The following ITGA9 variants were observed in gnomAD, a reference collection of about 807,000 sequenced individuals.
ITGA9 encodes the protein integrin subunit alpha 9, also known as integrin alpha-9.
ITGA9 carries 56 observed loss-of-function variants against 127.8 expected under a neutral mutation model. That is an observed-to-expected ratio of 0.44 (90% confidence interval 0.35 to 0.55). The LOEUF (loss-of-function observed/expected upper bound fraction) is 0.55, where lower values mean the gene tolerates loss of function less well. Ranked by LOEUF, ITGA9 falls within the 20% of genes least tolerant of loss-of-function variation. The probability of loss-of-function intolerance (pLI) is 0.00; values close to 1 mark genes in which losing one functional copy is unlikely to be tolerated. For synonymous variants in ITGA9, 508 were observed against 514.5 expected, an observed-to-expected ratio of 0.99 and a Z score of 0.17; for missense variants, 1,196 against 1,347.1, an observed-to-expected ratio of 0.89 and a Z score of 1.76.
intron 15 of ITGA9, among the ~76,000 whole-genome samples, chr3:37,564,673 T>G (rs1362881414): frequency 1.3e-5 from 2 of 152,210 alleles, no homozygotes; most frequent in Non-Finnish European, 2.9e-5. Context: ...ATCATCAAGA[T>G]GGATATACTT....
chr3:37,816,847 C>T (rs929850029), intron 27 of ITGA9, among the ~76,000 whole-genome samples: 17 of 152,172 alleles, frequency 1.1e-4, no homozygotes, highest in African/African-American at 2.7e-4. Flanking sequence ...AAGACTCTTG[C>T]CAGTTGTTCT....
At chr3:37,771,783 C>A (rs1423969050) in intron 23 of ITGA9, among the ~76,000 whole-genome samples, 1 of 152,148 alleles carries the variant, frequency 6.6e-6, no homozygotes, top group African/African-American at 2.4e-5. Flanking sequence ...GCACTTTTGT[C>A]TCCCATGGTC....
At position 37,623,399 on chromosome 3, in the gene ITGA9, A is replaced by G. The variant is rs139987231; in HGVS notation, c.1690-5788A>G. 2.2e-4 allele frequency among the ~76,000 whole-genome samples: 33 copies of G among 152,328 alleles called. No individual in the cohort carries two copies. The East Asian group carries it at 6.4e-3, about 29-fold the overall frequency. ...TCCAGAAATTCAGCTTAGAAACTCA[A>G]GAACTTAGCTTTTTAGCCACTGCTT... is the stretch of plus-strand genomic sequence containing the variant. On this transcript the variant is annotated intron_variant, in intron 15 of 27. Transcript: ENST00000264741.
intron 18 of ITGA9, among the ~76,000 whole-genome samples, chr3:37,722,315 T>C (rs1334401112): frequency 6.6e-6 from 1 of 152,240 alleles, no homozygotes; most frequent in Non-Finnish European, 1.5e-5. Flanking sequence ...CGTTGAGATA[T>C]AGTTCAGATG....
At chr3:37,489,953 G>A (rs984895376) in intron 4 of ITGA9, among the ~76,000 whole-genome samples, 9 of 152,212 alleles carry the variant, frequency 5.9e-5, no homozygotes, top group Non-Finnish European at 1.3e-4. Context: ...TATTCCTGTT[G>A]CAGGTAGCCC....
At chr3:37,667,408 G>T (rs79728505) in intron 17 of ITGA9, among the ~76,000 whole-genome samples, 3,002 of 152,264 alleles carry the variant, frequency 0.02, 50 homozygotes, top group Non-Finnish European at 0.032. Flanking sequence ...CATGTATAGG[G>T]CTCCAAGTTT....
chr3:37,780,022 G>A lies in ITGA9; in HGVS notation c.2787+1G>A. 6.2e-7 allele frequency: 1 copy of A among 1,613,936 alleles called. No individual in the cohort carries two copies. The highest frequency in any genetic ancestry group is 8.5e-7 in the Non-Finnish European group (1 of 1,179,954). On this transcript the variant is annotated splice_donor_variant, in intron 25 of 27. Coordinates refer to ENST00000264741, the MANE Select transcript of ITGA9 (RefSeq NM_002207.3). LOFTEE classifies it high-confidence loss of function. ...GCTGAACACAGAAATACTGAAAAAG[G>A]TAAGCCCTAATGAACCGCACTTGTG...
chr3:37,548,125 A>G (rs1699345357), intron 15 of ITGA9, among the ~76,000 whole-genome samples: 1 of 152,238 alleles, frequency 6.6e-6, no homozygotes, highest in Admixed American at 6.5e-5. Flanking sequence ...AGCAATAACA[A>G]TATTATGTTA....
intron 15 of ITGA9, among the ~76,000 whole-genome samples, chr3:37,595,820 G>A (rs1334685268): frequency 6.6e-6 from 1 of 152,216 alleles, no homozygotes; most frequent in Non-Finnish European, 1.5e-5. Flanking sequence ...CCAGCCCTCA[G>A]CCTGGACCGC....
intron 7 of ITGA9, among the ~76,000 whole-genome samples, chr3:37,507,567 G>A (rs1252223071): frequency 6.6e-6 from 1 of 152,064 alleles, no homozygotes; most frequent in Non-Finnish European, 1.5e-5. Flanking sequence ...GTTGAGAATG[G>A]TACTTATAAT....
chr3:37,739,825 G>A (rs546542570), intron 20 of ITGA9, among the ~76,000 whole-genome samples: 18 of 152,308 alleles, frequency 1.2e-4, no homozygotes, highest in African/African-American at 3.6e-4. Context: ...GGGTGGGGGC[G>A]GGAGTGGGCC....
intron 26 of ITGA9, among the ~76,000 whole-genome samples, chr3:37,796,518 G>A (rs557512621): frequency 1.4e-3 from 208 of 152,154 alleles, no homozygotes; most frequent in Non-Finnish European, 2.4e-3. Flanking sequence ...TGGATGGAAC[G>A]ACGGACAGAC....
intron 18 of ITGA9, among the ~76,000 whole-genome samples, chr3:37,729,731 G>A (rs748363579): frequency 2.5e-4 from 31 of 122,182 alleles, no homozygotes; most frequent in Non-Finnish European, 4.1e-4. Flanking sequence ...TTGAGACAGA[G>A]TCTTGCTCTG....
chr3:37,772,664 A>G (rs1356570183), intron 23 of ITGA9, among the ~76,000 whole-genome samples: 2 of 152,188 alleles, frequency 1.3e-5, no homozygotes, highest in Non-Finnish European at 2.9e-5. Flanking sequence ...TGACTGCAAT[A>G]GGATTAGCTG....
intron 14 of ITGA9, among the ~76,000 whole-genome samples, chr3:37,537,524 G>C (rs1418889255): frequency 1.3e-5 from 2 of 152,218 alleles, no homozygotes; most frequent in African/African-American, 4.8e-5. Flanking sequence ...GTTACATTGA[G>C]TTGCTGAATC....
In ITGA9 at chr3:37,517,640, C is replaced by A. The variant is rs1161157778; in HGVS notation, c.1141+31C>A. On this transcript the variant is annotated intron_variant, in intron 10 of 27. Transcript: ENST00000264741. ...TGAGTGCTCCTGGTGCACGGAGCCC[C>A]TCCAGGTGCAGCACGCTGCTCTGTT... 2.0e-6 allele frequency: 3 copies of A among 1,463,490 alleles called. No individual in the cohort carries two copies. In the South Asian group the frequency reaches 3.6e-5, roughly 18 times the overall value. The allele number at this position is 1,463,490 out of a possible 1,614,324, so 90.7% of individuals were successfully genotyped here. A position where few individuals can be genotyped will look rare whatever the true frequency, so the allele number is the denominator to read the frequency against.
chr3:37,481,492 T>G lies in ITGA9; in HGVS notation c.429T>G (p.Ala143=). Residue 143 remains alanine (A), a synonymous_variant, in exon 4 of 28, where the codon GCT becomes GCG. Transcript: ENST00000264741. ...PKADGRVLAC[A]HRWKNIYYEA... ...GCTCTCTATCCCTTTAGGCCTGTGC[T>G]CATCGCTGGAAGAACATCTACTATG... The G allele has an allele frequency of 6.2e-7, 1 of 1,614,198 alleles. No homozygotes were observed. The highest frequency in any genetic ancestry group is 8.5e-7 in the Non-Finnish European group (1 of 1,180,028).
chr3:37,726,666 C>T (rs1696207198), intron 18 of ITGA9, among the ~76,000 whole-genome samples: 1 of 152,216 alleles, frequency 6.6e-6, no homozygotes, highest in Admixed American at 6.5e-5. Flanking sequence ...AGACAAGCAT[C>T]TCTTGTGCCA....
chr3:37,711,542 T>C (rs1701079795), intron 18 of ITGA9, among the ~76,000 whole-genome samples: 1 of 152,200 alleles, frequency 6.6e-6, no homozygotes. Context: ...TAGCTGGGAC[T>C]ATAGTCACGT....
Sources: allele counts gnomAD v4.1 joint callset (sites outside exome capture counted in the v4.1 genomes callset), GRCh38; gene constraint gnomAD v4.1.1; transcripts MANE v1.5; gene names NCBI Gene and HGNC (gene_info 2026-07-23, HGNC 2026-07-21).